Variants in GALNTL6 observed in about 807,000 individuals in gnomAD.
GALNTL6 encodes the protein polypeptide N-acetylgalactosaminyltransferase-like 6.
In GALNTL6, 46 loss-of-function variants were observed where a neutral mutation model predicts 73.7. That is an observed-to-expected ratio of 0.62 (90% CI 0.49 to 0.80). The LOEUF is 0.80. Ranked by LOEUF, GALNTL6 falls within the 30% of genes least tolerant of loss-of-function variation. The pLI is 0.00. For missense variants in GALNTL6, 604 were observed against 755.0 expected (o/e 0.80, Z 2.34); for synonymous variants, 259 against 263.7 (o/e 0.98, Z 0.17).
intron 10 of GALNTL6, among the ~76,000 whole-genome samples, chr4:172,980,360 C>A (rs1180810721): frequency 6.6e-6 from 1 of 152,214 alleles, no homozygotes; most frequent in Non-Finnish European, 1.5e-5. Flanking sequence ...GTTGTGCAAC[C>A]AGCACCACTA....
intron 5 of GALNTL6, among the ~76,000 whole-genome samples, chr4:172,705,529 T>C (rs1734297732): frequency 1.3e-5 from 2 of 152,064 alleles, no homozygotes; most frequent in Admixed American, 6.6e-5. Context: ...TTTACATCTT[T>C]TTATATTGCC....
chr4:172,173,972 T>G (rs1386466194), intron 2 of GALNTL6, among the ~76,000 whole-genome samples: 2 of 152,092 alleles, frequency 1.3e-5, no homozygotes, highest in Non-Finnish European at 2.9e-5. Flanking sequence ...GTCAGGGACT[T>G]GTATTTGGAT....
chr4:172,184,326 C>T (rs1332637638), intron 2 of GALNTL6, among the ~76,000 whole-genome samples: 1 of 152,164 alleles, frequency 6.6e-6, no homozygotes, highest in Non-Finnish European at 1.5e-5. Context: ...AATCCCACAT[C>T]ACCCTGTGCA....
At chr4:172,013,001 A>G (rs970263055) in intron 2 of GALNTL6, among the ~76,000 whole-genome samples, 26 of 151,976 alleles carry the variant, frequency 1.7e-4, no homozygotes, top group African/African-American at 5.6e-4. Flanking sequence ...ATTGGCTTCC[A>G]TTATTATAGC....
intron 2 of GALNTL6, among the ~76,000 whole-genome samples, chr4:172,189,043 C>G (rs1023117774): frequency 1.3e-5 from 2 of 152,176 alleles, no homozygotes; most frequent in Admixed American, 1.3e-4. Context: ...CATCAACATC[C>G]TTCTTGTTAA....
chr4:173,007,538 G>T (rs899625027), intron 10 of GALNTL6, among the ~76,000 whole-genome samples: 1 of 152,178 alleles, frequency 6.6e-6, no homozygotes, highest in Non-Finnish European at 1.5e-5. Flanking sequence ...CAGGCGTGGT[G>T]GCTCACACCT....
intron 2 of GALNTL6, among the ~76,000 whole-genome samples, chr4:171,906,620 G>A (rs1448442794): frequency 6.6e-6 from 1 of 152,190 alleles, no homozygotes; most frequent in African/African-American, 2.4e-5. Context: ...TAGAAAAAGA[G>A]GGAATCCTTC....
intron 5 of GALNTL6, among the ~76,000 whole-genome samples, chr4:172,690,374 G>C (rs558434577): frequency 6.6e-6 from 1 of 152,230 alleles, no homozygotes; most frequent in East Asian, 1.9e-4. Context: ...CAAGATTTTA[G>C]TACCTCTTAT....
intron 2 of GALNTL6, among the ~76,000 whole-genome samples, chr4:172,149,085 G>A (rs2110756403): frequency 6.6e-6 from 1 of 152,272 alleles, no homozygotes; most frequent in East Asian, 1.9e-4. Context: ...ATAGCAGAAA[G>A]CATCAGTTTA....
At chr4:172,533,212 C>T (rs1156711909) in intron 5 of GALNTL6, among the ~76,000 whole-genome samples, 1 of 150,412 alleles carries the variant, frequency 6.6e-6, no homozygotes, top group Admixed American at 6.7e-5. Flanking sequence ...GGGGTTTTAC[C>T]ATGTTGGCCA....
chr4:172,700,813 G>A (rs933554694), intron 5 of GALNTL6, among the ~76,000 whole-genome samples: 2 of 152,106 alleles, frequency 1.3e-5, no homozygotes, highest in East Asian at 1.9e-4. Flanking sequence ...AACAAAGAAG[G>A]CTTTCAAATA....
Position 172,131,473 on chromosome 4 carries a change from A to G in GALNTL6, c.139-98183A>G, listed in dbSNP as rs568822588. ...TATATTTTATATATATTACATATGT[A>G]TACATGTATATATATACATATATAT... On this transcript the variant is annotated intron_variant, in intron 2 of 12. Transcript: ENST00000506823. Among the ~76,000 whole-genome samples, 21 of 118,978 alleles carry G rather than the reference A, an allele frequency of 1.8e-4. No individual in the cohort carries two copies. The South Asian group carries it at 4.9e-3, about 28-fold the overall frequency. 78.1% of individuals were successfully genotyped at this position (118,978 alleles called of 152,430 possible).
At chr4:172,660,579 G>A (rs758842194) in intron 5 of GALNTL6, among the ~76,000 whole-genome samples, 1 of 152,170 alleles carries the variant, frequency 6.6e-6, no homozygotes, top group Non-Finnish European at 1.5e-5. Context: ...GGCTAACAGT[G>A]AGTGAGTTAT....
At chr4:172,481,980 A>AG (rs1015179419) in intron 5 of GALNTL6, among the ~76,000 whole-genome samples, 1 of 152,152 alleles carries the variant, frequency 6.6e-6, no homozygotes, top group African/African-American at 2.4e-5. Context: ...AGCCCACCGC[A>AG]GGGGGCTCAG....
In GALNTL6 at chr4:173,040,154, C is replaced by A; in HGVS notation, c.*54C>A. On this transcript the variant is annotated 3_prime_UTR_variant, in exon 13 of 13. Coordinates refer to ENST00000506823, the MANE Select transcript of GALNTL6 (RefSeq NM_001034845.3). ...CTACAGGTTATAAATTAAATTTTAGCCAGCATCTGGGTCGAAGGAGTCAGG... is the reference window on the plus strand; with the variant it reads ...CTACAGGTTATAAATTAAATTTTAGACAGCATCTGGGTCGAAGGAGTCAGG... 7.2e-7 allele frequency: 1 copy of A among 1,387,674 alleles called. No individual in the cohort carries two copies. The highest frequency in any genetic ancestry group is 1.0e-6 in the Non-Finnish European group (1 of 1,004,698). 86.0% of individuals were successfully genotyped at this position (1,387,674 alleles called of 1,614,324 possible). A position where few individuals can be genotyped will look rare whatever the true frequency, so the allele number is the denominator to read the frequency against.
intron 2 of GALNTL6, among the ~76,000 whole-genome samples, chr4:172,185,849 T>G (rs1489292350): frequency 6.6e-6 from 1 of 152,176 alleles, no homozygotes; most frequent in Non-Finnish European, 1.5e-5. Context: ...TAATATAGCA[T>G]TGTAAAAAGC....
chr4:172,271,961 T>A (rs11132934), intron 3 of GALNTL6, among the ~76,000 whole-genome samples: 19,852 of 145,018 alleles, frequency 0.14, 1,361 homozygotes, highest in East Asian at 0.26. Context: ...ATATATATAT[T>A]TTTTTTTATG....
chr4:172,065,739 AATTG>A (rs1731340843), intron 2 of GALNTL6, among the ~76,000 whole-genome samples: 1 of 152,176 alleles, frequency 6.6e-6, no homozygotes, highest in East Asian at 1.9e-4. Context: ...AAAACGGTTT[AATTG>A]ATTCACGGTT....
chr4:173,004,428 A>C (rs1352963748), intron 10 of GALNTL6, among the ~76,000 whole-genome samples: 2 of 152,188 alleles, frequency 1.3e-5, no homozygotes, highest in African/African-American at 4.8e-5. Flanking sequence ...GGAGTTCAAG[A>C]CCAGCCTGCC....
Sources: gnomAD v4.1 joint callset for allele counts (sites outside exome capture counted in the v4.1 genomes callset) on GRCh38, gnomAD v4.1.1 for gene constraint, MANE v1.5 for transcripts, NCBI Gene and HGNC (gene_info 2026-07-23, HGNC 2026-07-21) for gene names.